The following ATP11B variants were observed in gnomAD, a reference collection of about 807,000 sequenced individuals.
The protein encoded by ATP11B is phospholipid-transporting ATPase IF.
Under a neutral mutation model 157.8 loss-of-function variants are expected in ATP11B, and 81 were observed. That is an observed-to-expected ratio of 0.51 (90% CI 0.43 to 0.62). The LOEUF (loss-of-function observed/expected upper bound fraction) is 0.62, where lower values mean the gene tolerates loss of function less well. Ranked by LOEUF, ATP11B falls within the 20% of genes least tolerant of loss-of-function variation. The probability of loss-of-function intolerance (pLI) is 0.00; values close to 1 mark genes in which losing one functional copy is unlikely to be tolerated. For missense variants in ATP11B, 1,165 were observed against 1,402.2 expected, an observed-to-expected ratio of 0.83 and a Z score of 2.70; for synonymous variants, 451 against 469.4, an observed-to-expected ratio of 0.96 and a Z score of 0.51.
At chr3:182,911,998 A>G (rs1238582253) in intron 28 of ATP11B, among the ~76,000 whole-genome samples, 1 of 152,150 alleles carries the variant, frequency 6.6e-6, no homozygotes, top group African/African-American at 2.4e-5. Flanking sequence ...AGACTGCACC[A>G]GAGCATTGGG....
chr3:182,845,005 TATTTTTTTTTA>T (rs1719375340), intron 8 of ATP11B, among the ~76,000 whole-genome samples: 2 of 122,012 alleles, frequency 1.6e-5, no homozygotes, highest in African/African-American at 6.8e-5. Context: ...TTTTTTTTTT[TATTTTTTTTTA>T]TTTTTGAGAT....
chr3:182,870,775 C>T (rs1721599071), intron 17 of ATP11B, among the ~76,000 whole-genome samples: 1 of 150,082 alleles, frequency 6.7e-6, no homozygotes, highest in Admixed American at 6.7e-5. Flanking sequence ...AGATTGAGAC[C>T]ATCCTGGCTA....
rs1026025185 is a variant in ATP11B, at chr3:182,808,789, G to A, written c.28-11471G>A. The stretch of plus-strand genomic sequence containing the variant: ...AAAAAAGTTGCAAATATAGTGGAGA[G>A]GATTCCTGTACCCTTCTCTCCCACC... On this transcript the variant is annotated intron_variant, in intron 1 of 29. Transcript: ENST00000323116. Among the ~76,000 whole-genome samples the A allele has an allele frequency of 3.3e-5, 5 of 152,022 alleles. No individual in the cohort carries two copies. In the East Asian group the frequency reaches 5.8e-4, roughly 18 times the overall value.
Position 182,921,574 on chromosome 3 carries a change from A to T in ATP11B, c.*3470A>T. ...GTAGTATATTATTGTACAGCTACTC[A>T]TAATTTTTTAAAGTTTATGAAGTTA... is the stretch of plus-strand genomic sequence containing the variant. On this transcript the variant is annotated 3_prime_UTR_variant, in exon 30 of 30. Coordinates refer to ENST00000323116, the MANE Select transcript of ATP11B (RefSeq NM_014616.3). 6.6e-6 allele frequency: 1 copy of T among 152,348 alleles called. No homozygotes were observed. The highest frequency in any genetic ancestry group is 1.5e-5 in the Non-Finnish European group (1 of 68,032). 9.4% of individuals were successfully genotyped at this position (152,348 alleles called of 1,614,324 possible).
At chr3:182,909,672 A>G (rs893248417) in intron 28 of ATP11B, among the ~76,000 whole-genome samples, 1 of 152,176 alleles carries the variant, frequency 6.6e-6, no homozygotes, top group African/African-American at 2.4e-5. Flanking sequence ...TCAAAGATGT[A>G]TATATGGGAA....
chr3:182,798,007 C>T (rs1045009516), intron 1 of ATP11B, among the ~76,000 whole-genome samples: 34 of 152,066 alleles, frequency 2.2e-4, no homozygotes, highest in African/African-American at 7.5e-4. Context: ...CATTGTGGTA[C>T]TGACTTGTAG....
chr3:182,848,306 C>A (rs889374196), intron 9 of ATP11B, among the ~76,000 whole-genome samples, 170 bp from the exon 10 acceptor site: 21 of 152,222 alleles, frequency 1.4e-4, no homozygotes, highest in Non-Finnish European at 2.1e-4. Context: ...TGGGGCTTCC[C>A]AAAATTGGAC....
Position 182,880,867 on chromosome 3 carries a change from T to TCA in ATP11B, c.2407-12_2407-11insCA. ...CTTGCGTCATAAATAACCAATTCAT[T>TCA]ATGTCTTTCAGGTAATAAGACTAAT... On this transcript the variant is annotated splice_polypyrimidine_tract_variant and intron_variant, in intron 20 of 29. Transcript: ENST00000323116. The TCA allele has an allele frequency of 1.6e-5, 24 of 1,530,282 alleles. No individual in the cohort carries two copies. Among genetic ancestry groups the TCA allele is most frequent in the Non-Finnish European group, 1.9e-5 (21 of 1,134,162 alleles). 94.8% of individuals were successfully genotyped at this position (1,530,282 alleles called of 1,614,324 possible). A position where few individuals can be genotyped will look rare whatever the true frequency, so the allele number is the denominator to read the frequency against.
chr3:182,895,026 T>C (rs1723438078), intron 25 of ATP11B, among the ~76,000 whole-genome samples: 1 of 148,418 alleles, frequency 6.7e-6, no homozygotes, highest in South Asian at 2.1e-4. Flanking sequence ...CTTGGGAGGA[T>C]TGCTTGAGCC....
intron 1 of ATP11B, among the ~76,000 whole-genome samples, chr3:182,794,005 AGCGGCCGGAG>A (rs1715424967): frequency 6.6e-6 from 1 of 151,788 alleles, no homozygotes; most frequent in African/African-American, 2.4e-5. Flanking sequence ...GCTGGCGCCG[AGCGGCCGGAG>A]GCGGCCGCTT....
In ATP11B at chr3:182,884,945, G is replaced by A. The variant is rs1319364529; in HGVS notation, c.2655+47G>A. On this transcript the variant is annotated intron_variant, in intron 22 of 29. Coordinates refer to ENST00000323116, the MANE Select transcript of ATP11B (RefSeq NM_014616.3). ...TCAATTATTGATATAGTAATATGAA[G>A]TTTCAATTTAAGGAATGTTATAACC... The A allele has an allele frequency of 8.2e-6, 9 of 1,103,210 alleles. No individual in the cohort carries two copies. The East Asian group carries it at 2.4e-4, about 29-fold the overall frequency. 68.3% of individuals were successfully genotyped at this position (1,103,210 alleles called of 1,614,324 possible).
rs552626260 is a variant in ATP11B at position 182,919,047 on chromosome 3, T to C, written c.*943T>C. 1.3e-5 allele frequency: 2 copies of C among 152,250 alleles called. No individual in the cohort carries two copies. The highest frequency in any genetic ancestry group is 2.9e-5 in the Non-Finnish European group (2 of 67,980). The allele number at this position is 152,250 out of a possible 1,614,324, so 9.4% of individuals were successfully genotyped here. A position where few individuals can be genotyped will look rare whatever the true frequency, so the allele number is the denominator to read the frequency against. On this transcript the variant is annotated 3_prime_UTR_variant, in exon 30 of 30. Transcript: ENST00000323116. ...ACAGTTTAACTATATCAATAAAAAGTTTGGACAGTATTTAAATATTGCAAA... is the reference window on the plus strand; with the variant it reads ...ACAGTTTAACTATATCAATAAAAAGCTTGGACAGTATTTAAATATTGCAAA...
rs1314600399 is a variant in ATP11B at position 182,816,752 on chromosome 3, G to A, written c.28-3508G>A. Among the ~76,000 whole-genome samples the A allele has an allele frequency of 3.3e-5, 5 of 152,216 alleles. No individual in the cohort carries two copies. In the East Asian group the frequency reaches 7.7e-4, roughly 23 times the overall value. On this transcript the variant is annotated intron_variant, in intron 1 of 29. Transcript: ENST00000323116. ...CAAAGCTCATGAAACCTATGTATAC[G>A]CTTATCAGAAAAATGCACATATATG...
At chr3:182,817,135 T>C (rs913838853) in intron 1 of ATP11B, among the ~76,000 whole-genome samples, 3 of 152,214 alleles carry the variant, frequency 2.0e-5, no homozygotes, top group Admixed American at 1.3e-4. Flanking sequence ...TAGGTAGATA[T>C]TATATCATCA....
chr3:182,881,880 A>C (rs1722451822), intron 21 of ATP11B, among the ~76,000 whole-genome samples: 1 of 152,216 alleles, frequency 6.6e-6, no homozygotes, highest in Non-Finnish European at 1.5e-5. Flanking sequence ...AAATTGTACT[A>C]AACTGCGATA....
At chr3:182,810,766 T>A (rs1716614771) in intron 1 of ATP11B, among the ~76,000 whole-genome samples, 1 of 152,240 alleles carries the variant, frequency 6.6e-6, no homozygotes, top group South Asian at 2.1e-4. Flanking sequence ...CTGTCTGTAC[T>A]GCTCATGTGA....
chr3:182,842,803 TC>T lies in ATP11B; in HGVS notation c.704+685del, dbSNP rs367625630. ...GTATGTATCATAACATCACAGGCCATCCCCTAGTTTTCAAACACAAATCCCT... is the reference window on the plus strand; with the variant it reads ...GTATGTATCATAACATCACAGGCCATCCCTAGTTTTCAAACACAAATCCCT... On this transcript the variant is annotated intron_variant, in intron 8 of 29. Coordinates refer to ENST00000323116, the MANE Select transcript of ATP11B (RefSeq NM_014616.3). Among the ~76,000 whole-genome samples, 31 of 152,270 alleles carry T rather than the reference TC, an allele frequency of 2.0e-4. 1 individual carries two copies. In the East Asian group the frequency reaches 2.9e-3, roughly 14 times the overall value.
chr3:182,907,306 G>A (rs1724438405), intron 28 of ATP11B, among the ~76,000 whole-genome samples: 2 of 152,174 alleles, frequency 1.3e-5, no homozygotes, highest in Admixed American at 1.3e-4. Context: ...TCAAGAAAGT[G>A]CTGTTGTCTC....
Position 182,857,888 on chromosome 3 carries a change from A to G in ATP11B, c.862A>G (p.Thr288Ala). The change falls in exon 11 of 30, where the codon ACA (threonine) becomes GCA (alanine). Residue 288 changes from threonine to alanine, a missense_variant. Around this residue, in one of 4 missense-constraint regions of ATP11B, gnomAD observed 737 missense variants for 930.5 expected, o/e 0.79. Coordinates refer to ENST00000323116, the MANE Select transcript of ATP11B (RefSeq NM_014616.3). The part of the protein sequence containing the change: ...KRSAVEKSMN[T>A]FLIIYLVILI... The stretch of plus-strand genomic sequence containing the variant: ...TTTTTCTTCCTTAAGGTCAATGAAT[A>G]CATTTTTGATAATTTATCTAGTAAT... 1 of 1,512,114 alleles carries G rather than the reference A, an allele frequency of 6.6e-7. No homozygotes were observed. Among genetic ancestry groups the G allele is most frequent in the South Asian group, 1.1e-5 (1 of 86,980 alleles). The allele number at this position is 1,512,114 out of a possible 1,614,324, so 93.7% of individuals were successfully genotyped here. A position where few individuals can be genotyped will look rare whatever the true frequency, so the allele number is the denominator to read the frequency against.
Sources: allele counts gnomAD v4.1 joint callset (sites outside exome capture counted in the v4.1 genomes callset), GRCh38; gene constraint gnomAD v4.1.1; regional missense constraint gnomAD v4.1.1; transcripts MANE v1.5; gene names NCBI Gene and HGNC (gene_info 2026-07-23, HGNC 2026-07-21).